The following N4BP2 variants were observed in gnomAD, a reference collection of about 807,000 sequenced individuals.
The protein encoded by N4BP2 is NEDD4-binding protein 2.
In N4BP2, 91 loss-of-function variants were observed where a neutral mutation model predicts 152.8. The observed-to-expected ratio is 0.60, with a 90% confidence interval of 0.50 to 0.71. The LOEUF is 0.71. Ranked by LOEUF, N4BP2 falls within the 30% of genes least tolerant of loss-of-function variation. The pLI is 0.00. For synonymous variants in N4BP2, 646 were observed against 705.3 expected (o/e 0.92, Z 1.33); for missense variants, 1,923 against 2,059.1 (o/e 0.93, Z 1.28).
chr4:40,183,704 C>T, the N4BP2 span, among the ~76,000 whole-genome samples: 2 of 152,178 alleles, frequency 1.3e-5, no homozygotes, highest in Non-Finnish European at 2.9e-5. Context: ...GTTACTATAT[C>T]ATTAGAAGAC....
intron 13 of N4BP2, among the ~76,000 whole-genome samples, chr4:40,134,643 G>C (rs752761215): frequency 6.6e-6 from 1 of 152,150 alleles, no homozygotes; most frequent in Non-Finnish European, 1.5e-5. Context: ...GGCCTAGAAA[G>C]GATGTGGATA....
intron 7 of N4BP2, among the ~76,000 whole-genome samples, chr4:40,115,777 A>AT (rs1184322685): frequency 2.0e-5 from 3 of 152,028 alleles, no homozygotes; most frequent in East Asian, 1.9e-4. Context: ...TTAAGTGTTG[A>AT]TTTTTTATAC....
At chr4:40,079,233 C>CT (rs1472797385) in intron 2 of N4BP2, among the ~76,000 whole-genome samples, 2 of 151,646 alleles carry the variant, frequency 1.3e-5, no homozygotes, top group Non-Finnish European at 2.9e-5. Context: ...GATAATGGTG[C>CT]TTTTTTTGTA....
chr4:40,075,896 T>C (rs1712681242), intron 2 of N4BP2, among the ~76,000 whole-genome samples: 1 of 152,174 alleles, frequency 6.6e-6, no homozygotes, highest in Non-Finnish European at 1.5e-5. Context: ...CTTTGATTAC[T>C]GCCTACTGCA....
Position 40,103,006 on chromosome 4 carries a change from T to G in N4BP2, c.1161T>G (p.Ala387=), listed in dbSNP as rs1262662838. The change falls in exon 4 of 18, where the codon GCT becomes GCG. Residue 387 remains alanine, a synonymous_variant. Transcript: ENST00000261435. ...TTGTAGCTCCTGTTGTAACCACAGCTGCACACTGGAGATCTGTCAACTACA... is the reference window on the plus strand; with the variant it reads ...TTGTAGCTCCTGTTGTAACCACAGCGGCACACTGGAGATCTGTCAACTACA... ...HGFVAPVVTT[A]AHWRSVNYTF... 1.2e-6 allele frequency: 2 copies of G among 1,614,086 alleles called. No homozygotes were observed. The highest frequency in any genetic ancestry group is 3.3e-5 in the Admixed American group (2 of 60,006).
At chr4:40,109,913 CTA>C (rs1335266904) in intron 5 of N4BP2, among the ~76,000 whole-genome samples, 1 of 152,204 alleles carries the variant, frequency 6.6e-6, no homozygotes, top group African/African-American at 2.4e-5. Context: ...TTAATACACT[CTA>C]TTTAATTTGG....
chr4:40,183,839 G>C, the N4BP2 span, among the ~76,000 whole-genome samples: 1 of 152,136 alleles, frequency 6.6e-6, no homozygotes, highest in African/African-American at 2.4e-5. Flanking sequence ...AGTTTTTTGG[G>C]TTTCTTTGCT....
At chr4:40,190,291 G>A in the N4BP2 span, among the ~76,000 whole-genome samples, 245 of 152,328 alleles carry the variant, frequency 1.6e-3, no homozygotes, top group African/African-American at 5.7e-3. Flanking sequence ...TGAATGAAAG[G>A]ATAAATTCTC....
At chr4:40,081,277 A>G (rs533123939) in intron 2 of N4BP2, among the ~76,000 whole-genome samples, 1 of 152,166 alleles carries the variant, frequency 6.6e-6, no homozygotes, top group African/African-American at 2.4e-5. Context: ...AATTTAAGTC[A>G]GTCCCTTTTG....
At chr4:40,143,580 T>C (rs1439701959) in intron 15 of N4BP2, among the ~76,000 whole-genome samples, 1 of 152,160 alleles carries the variant, frequency 6.6e-6, no homozygotes, top group Non-Finnish European at 1.5e-5. Flanking sequence ...GGATTACAAG[T>C]GCAAGGTACT....
chr4:40,069,053 G>T (rs1405547862), intron 1 of N4BP2, among the ~76,000 whole-genome samples: 3 of 152,036 alleles, frequency 2.0e-5, no homozygotes, highest in African/African-American at 7.2e-5. Context: ...CTGGGAGGCA[G>T]ATGTTGCAGT....
chr4:40,143,816 T>C (rs1421904775), intron 15 of N4BP2, among the ~76,000 whole-genome samples: 1 of 152,092 alleles, frequency 6.6e-6, no homozygotes, highest in East Asian at 1.9e-4. Flanking sequence ...CAGTGATTCC[T>C]TCTTGAGATG....
rs147688947 is a variant in N4BP2 at position 40,126,271 on chromosome 4, A to G, written c.4468A>G (p.Lys1490Glu). ...LLDHWNTQTKKVSLREIMSEE... is the reference protein window; with the variant it reads ...LLDHWNTQTKEVSLREIMSEE... ...GGATCATTGGAATACTCAAACTAAA[A>G]AAGTATCACTCAGAGAAATAATGTC... The change falls in exon 12 of 18, where the codon AAA (lysine) becomes GAA (glutamate). Residue 1490 changes from lysine to glutamate, a missense_variant. Coordinates refer to ENST00000261435, the MANE Select transcript of N4BP2 (RefSeq NM_018177.6). 30 of 1,595,480 alleles carry G rather than the reference A, an allele frequency of 1.9e-5. No individual in the cohort carries two copies. The highest frequency in any genetic ancestry group is 4.0e-5 in the African/African-American group (3 of 74,090).
At position 40,081,338 on chromosome 4, in the gene N4BP2, A is replaced by G. The variant is rs142895641; in HGVS notation, c.-115+7787A>G. ...TGAGTGTCTTGCTTTCATTTCTAAC[A>G]TTCTCTTTTAAAAAACTACAGTGAA... is the stretch of plus-strand genomic sequence containing the variant. On this transcript the variant is annotated intron_variant, in intron 2 of 17. Transcript: ENST00000261435. Among the ~76,000 whole-genome samples, 1,331 of 152,146 alleles carry G rather than the reference A, an allele frequency of 8.7e-3. 6 individuals carry two copies. The highest frequency in any genetic ancestry group is 0.016 in the Non-Finnish European group (1,075 of 68,002).
In N4BP2 at chr4:40,136,957, C is replaced by T; in HGVS notation, c.4660C>T (p.His1554Tyr). ...IFKDHNYSLE[H>Y]TVQFLNCVLE... ...AATTTTCTACAGCTATTCATTAGAA[C>T]ACACAGTGCAATTTCTTAACTGTGT... Residue 1554 changes from histidine (H) to tyrosine (Y), a missense_variant, in exon 14 of 18, where the codon CAC becomes TAC. His to Tyr is a moderately conservative substitution (Grantham distance 83). Coordinates refer to ENST00000261435, the MANE Select transcript of N4BP2 (RefSeq NM_018177.6). 6.2e-7 allele frequency: 1 copy of T among 1,610,230 alleles called. No homozygotes were observed. Among genetic ancestry groups the T allele is most frequent in the South Asian group, 1.1e-5 (1 of 90,224 alleles).
At chr4:40,127,887 T>G in intron 12 of N4BP2, among the ~76,000 whole-genome samples, 1 of 152,140 alleles carries the variant, frequency 6.6e-6, no homozygotes, top group East Asian at 1.9e-4. Flanking sequence ...GGTCTTGATC[T>G]CCTGACCTTG....
intron 16 of N4BP2, among the ~76,000 whole-genome samples, chr4:40,150,763 G>A (rs1721083215): frequency 6.6e-6 from 1 of 151,864 alleles, no homozygotes; most frequent in African/African-American, 2.4e-5. Context: ...GGGAAACCTT[G>A]TTACTTAAGA....
In N4BP2 at chr4:40,154,200, A is replaced by C; in HGVS notation, c.5276A>C (p.Glu1759Ala). ...YLISHSFRFS[E>A]IKPGCLKVML... ...TTTTCTCATTTCTGCAGGTTCTCTGAAATTAAACCAGGGTGCTTGAAAGTC... is the reference window on the plus strand; with the variant it reads ...TTTTCTCATTTCTGCAGGTTCTCTGCAATTAAACCAGGGTGCTTGAAAGTC... The change falls in exon 18 of 18, where the codon GAA becomes GCA. Residue 1759 changes from glutamate (E) to alanine (A), a missense_variant. Coordinates refer to ENST00000261435, the MANE Select transcript of N4BP2 (RefSeq NM_018177.6). The C allele has an allele frequency of 1.2e-6, 2 of 1,602,504 alleles. No individual in the cohort carries two copies. The highest frequency in any genetic ancestry group is 1.7e-6 in the Non-Finnish European group (2 of 1,174,252).
At chr4:40,076,207 G>T (rs1712714601) in intron 2 of N4BP2, among the ~76,000 whole-genome samples, 1 of 152,110 alleles carries the variant, frequency 6.6e-6, no homozygotes, top group South Asian at 2.1e-4. Flanking sequence ...CAGGTGCGGT[G>T]GCTCCTGCCT....
Sources: gnomAD v4.1 joint callset for allele counts (sites outside exome capture counted in the v4.1 genomes callset) on GRCh38, gnomAD v4.1.1 for gene constraint, MANE v1.5 for transcripts, NCBI Gene and HGNC (gene_info 2026-07-23, HGNC 2026-07-21) for gene names.